PIAS2: variants seen among roughly 807,000 people sequenced by gnomAD.
The protein encoded by PIAS2 is E3 SUMO-protein ligase PIAS2.
PIAS2 carries 19 observed loss-of-function variants against 69.7 expected under a neutral mutation model. That is an observed-to-expected ratio of 0.27 (90% CI 0.19 to 0.40). The LOEUF (loss-of-function observed/expected upper bound fraction) is 0.40, where lower values mean the gene tolerates loss of function less well. Among genes scored for constraint, PIAS2 ranks in the 10% least tolerant of loss-of-function variants. The pLI is 1.00. For missense variants in PIAS2, 624 were observed against 757.0 expected, an observed-to-expected ratio of 0.82 and a Z score of 2.06; for synonymous variants, 261 against 263.2, an observed-to-expected ratio of 0.99 and a Z score of 0.08.
chr18:46,841,692 T>C (rs968534875), intron 8 of PIAS2, among the ~76,000 whole-genome samples: 2 of 152,168 alleles, frequency 1.3e-5, no homozygotes, highest in Non-Finnish European at 2.9e-5. Flanking sequence ...AAAAGATTGA[T>C]GAACCCCCAG....
At chr18:46,907,934 T>C (rs915455148) in intron 1 of PIAS2, 2 of 152,074 alleles carry the variant, frequency 1.3e-5, no homozygotes, top group African/African-American at 2.4e-5. Context: ...GCAATACTAA[T>C]CTGTTAAAGT....
intron 4 of PIAS2, 36 bp downstream of exon 4, chr18:46,855,529 G>T: frequency 6.3e-7 from 1 of 1,587,706 alleles, no homozygotes; most frequent in Non-Finnish European, 8.6e-7. Flanking sequence ...TAGTAAGCAA[G>T]TATAAAACTA....
At chr18:46,881,724 T>C (rs9304336) in intron 2 of PIAS2, among the ~76,000 whole-genome samples, 68,562 of 152,050 alleles carry the variant, frequency 0.45, 15,526 homozygotes, top group Middle Eastern at 0.53. Flanking sequence ...TTGCTACTTA[T>C]TTCGAATGTG....
intron 2 of PIAS2, among the ~76,000 whole-genome samples, chr18:46,876,697 A>ATTT (rs57650764): frequency 2.8e-5 from 4 of 142,992 alleles, no homozygotes; most frequent in Non-Finnish European, 6.1e-5. Flanking sequence ...CCCTTTACTA[A>ATTT]TTTTTTTTTT....
intron 5 of PIAS2, among the ~76,000 whole-genome samples, chr18:46,850,257 T>C (rs1343949138): frequency 6.6e-6 from 1 of 152,208 alleles, no homozygotes; most frequent in Non-Finnish European, 1.5e-5. Flanking sequence ...TCTCCAGATG[T>C]AGTTTAGTAT....
chr18:46,913,523 T>G (rs909396931), intron 1 of PIAS2, among the ~76,000 whole-genome samples: 2 of 144,070 alleles, frequency 1.4e-5, no homozygotes, highest in South Asian at 2.2e-4. Context: ...TCTCAATGCA[T>G]GAAAAGAAGG....
At chr18:46,840,757 T>C (rs1310125286) in intron 8 of PIAS2, among the ~76,000 whole-genome samples, 1 of 152,188 alleles carries the variant, frequency 6.6e-6, no homozygotes, top group Non-Finnish European at 1.5e-5. Context: ...CAAAATAAAT[T>C]CTAATTCTAA....
intron 3 of PIAS2, among the ~76,000 whole-genome samples, chr18:46,862,070 G>A (rs1414436170): frequency 1.3e-5 from 2 of 151,958 alleles, no homozygotes; most frequent in African/African-American, 4.8e-5. Context: ...GGTGGCTCAC[G>A]CCTGTAATCC....
At chr18:46,851,799 G>A (rs778362154) in intron 5 of PIAS2, among the ~76,000 whole-genome samples, 24 of 152,178 alleles carry the variant, frequency 1.6e-4, no homozygotes, top group Non-Finnish European at 2.2e-4. Context: ...TGTACATGAA[G>A]TATAGTGGTC....
At chr18:46,859,496 G>C (rs975005050) in intron 3 of PIAS2, among the ~76,000 whole-genome samples, 6 of 148,802 alleles carry the variant, frequency 4.0e-5, no homozygotes, top group African/African-American at 1.5e-4. Flanking sequence ...GGTAAATGAA[G>C]AGTGGCCTAT....
intron 5 of PIAS2, among the ~76,000 whole-genome samples, chr18:46,852,245 G>A (rs893142556): frequency 1.3e-5 from 2 of 152,138 alleles, no homozygotes; most frequent in South Asian, 2.1e-4. Flanking sequence ...CATCAGATGC[G>A]CATGTGAATT....
At chr18:46,890,214 TG>T (rs2053853764) in intron 2 of PIAS2, among the ~76,000 whole-genome samples, 1 of 152,200 alleles carries the variant, frequency 6.6e-6, no homozygotes, top group African/African-American at 2.4e-5. Flanking sequence ...TATTGTTTAA[TG>T]GGTACAGAGT....
intron 3 of PIAS2, among the ~76,000 whole-genome samples, chr18:46,861,154 G>A (rs138241863): frequency 2.0e-5 from 3 of 151,608 alleles, no homozygotes; most frequent in African/African-American, 4.8e-5. Flanking sequence ...GTGAAGAATC[G>A]CTTGAACCTG....
chr18:46,815,694 TA>T (rs550399651), intron 12 of PIAS2: 2,321 of 765,498 alleles, frequency 3.0e-3, no homozygotes, highest in South Asian at 3.6e-3. Context: ...TTGAACCATC[TA>T]AAAAAAAAAA....
Position 46,843,239 on chromosome 18 carries a change from T to C in PIAS2, c.1041+815A>G, listed in dbSNP as rs576656809. On this transcript the variant is annotated intron_variant, in intron 8 of 13. Transcript: ENST00000585916. ...CATACAGTAGAGACTCAACAAATCA[T>C]TCTCTTTTCTGACACAATTTCTCCC... Among the ~76,000 whole-genome samples, 109 of 152,320 alleles carry C rather than the reference T, an allele frequency of 7.2e-4. 1 individual carries two copies. Among genetic ancestry groups the C allele is most frequent in the Non-Finnish European group, 1.3e-3 (90 of 68,030 alleles).
intron 2 of PIAS2, among the ~76,000 whole-genome samples, chr18:46,883,442 C>T (rs933985391): frequency 3.3e-5 from 5 of 152,038 alleles, no homozygotes; most frequent in Admixed American, 3.3e-4. Context: ...GTGGCTCATG[C>T]CTGTAATCCC....
intron 8 of PIAS2, among the ~76,000 whole-genome samples, chr18:46,840,273 G>C (rs935293490): frequency 1.3e-5 from 2 of 152,146 alleles, no homozygotes; most frequent in Non-Finnish European, 2.9e-5. Flanking sequence ...TAAAAGACAA[G>C]AGTACACAAG....
chr18:46,918,377 CCGCCT>C (rs1421148038), upstream of PIAS2, among the ~76,000 whole-genome samples: 5 of 152,206 alleles, frequency 3.3e-5, no homozygotes, highest in Non-Finnish European at 7.3e-5. Flanking sequence ...CTCCTACCTA[CCGCCT>C]CTTCCCACTA....
chr18:46,855,955 T>C (rs1285348277), intron 3 of PIAS2, among the ~76,000 whole-genome samples: 1 of 151,600 alleles, frequency 6.6e-6, no homozygotes, highest in East Asian at 1.9e-4. Flanking sequence ...TCTATTTGCT[T>C]AGAGCATTCT....
Sources: allele counts gnomAD v4.1 joint callset (sites outside exome capture counted in the v4.1 genomes callset), GRCh38; gene constraint gnomAD v4.1.1; transcripts MANE v1.5; gene names NCBI Gene and HGNC (gene_info 2026-07-23, HGNC 2026-07-21).